Variants in ADGRB1 observed in about 807,000 individuals in gnomAD.
ADGRB1 encodes the protein brain-specific angiogenesis inhibitor 1.
In ADGRB1, 36 loss-of-function variants were observed where a neutral mutation model predicts 175.7. The observed-to-expected ratio is 0.20, with a 90% CI of 0.16 to 0.27. The LOEUF is 0.27. Among genes scored for constraint, ADGRB1 ranks in the 10% least tolerant of loss-of-function variants. The pLI is 1.00. For missense variants in ADGRB1, 1,731 were observed against 2,255.3 expected (o/e 0.77, Z 4.71); for synonymous variants, 1,054 against 979.4 (o/e 1.08, Z -1.42).
chr8:142,500,385 G>A (rs1216228101), intron 17 of ADGRB1, among the ~76,000 whole-genome samples: 5 of 77,598 alleles, frequency 6.4e-5, no homozygotes, highest in Non-Finnish European at 9.3e-5. Context: ...TGCCCCCCGC[G>A]CCGCTCCTCC....
At chr8:142,539,741 T>G (rs1259964237) in intron 27 of ADGRB1, 1 of 485,568 alleles carries the variant, frequency 2.1e-6, no homozygotes, top group African/African-American at 1.9e-5. Context: ...TCTTCCTCTG[T>G]CGTGGCCCCA....
At chr8:142,506,867 A>G (rs1253170854) in intron 17 of ADGRB1, among the ~76,000 whole-genome samples, 1 of 152,228 alleles carries the variant, frequency 6.6e-6, no homozygotes, top group East Asian at 1.9e-4. Flanking sequence ...GGTCTAGTGC[A>G]GCAAGGGAGG....
intron 16 of ADGRB1, 42 bp from the exon 17 acceptor site, chr8:142,490,730 C>A: frequency 6.4e-7 from 1 of 1,555,230 alleles, no homozygotes; most frequent in South Asian, 1.2e-5. Flanking sequence ...GGGGGCTGGT[C>A]CTGGCTGCCA....
chr8:142,501,693 A>G (rs1842557820), intron 17 of ADGRB1, among the ~76,000 whole-genome samples: 1 of 65,544 alleles, frequency 1.5e-5, no homozygotes, highest in African/African-American at 5.4e-5. Flanking sequence ...TTGACGATGG[A>G]GGTGGGGTGG....
rs1373958066 is a variant in ADGRB1 at position 142,544,976 on chromosome 8, T to C, written c.*559T>C. The C allele has an allele frequency of 4.6e-5, 7 of 152,662 alleles. No individual in the cohort carries two copies. The East Asian group carries it at 1.4e-3, about 30-fold the overall frequency. 9.5% of individuals were successfully genotyped at this position (152,662 alleles called of 1,614,324 possible). A position where few individuals can be genotyped will look rare whatever the true frequency, so the allele number is the denominator to read the frequency against. On this transcript the variant is annotated 3_prime_UTR_variant, in exon 31 of 31. Coordinates refer to ENST00000517894, the MANE Select transcript of ADGRB1 (RefSeq NM_001702.3). ...GGGGAATCTATTTTTTCTCTCCTTTTCTTTTCTTCAATAAAAAGAATTAAA... is the reference window on the plus strand; with the variant it reads ...GGGGAATCTATTTTTTCTCTCCTTTCCTTTTCTTCAATAAAAAGAATTAAA...
At chr8:142,486,624 G>C (rs565903531) in intron 13 of ADGRB1, among the ~76,000 whole-genome samples, 2 of 152,310 alleles carry the variant, frequency 1.3e-5, no homozygotes, top group Admixed American at 1.3e-4. Context: ...CCATAGCTTC[G>C]TGCCTATTGT....
chr8:142,527,365 C>G (rs566537982), intron 24 of ADGRB1, among the ~76,000 whole-genome samples: 1 of 152,318 alleles, frequency 6.6e-6, no homozygotes, highest in South Asian at 2.1e-4. Context: ...CCGTGCCAGT[C>G]TTGCTTGGAT....
At chr8:142,515,287 C>G (rs934431078) in intron 18 of ADGRB1, among the ~76,000 whole-genome samples, 7 of 152,210 alleles carry the variant, frequency 4.6e-5, no homozygotes, top group Non-Finnish European at 1.0e-4. Flanking sequence ...CTGGCTCTGC[C>G]TCCCCTCGGC....
intron 11 of ADGRB1, 46 bp from the exon 12 acceptor site, chr8:142,483,931 T>C: frequency 6.3e-7 from 1 of 1,596,314 alleles, no homozygotes; most frequent in East Asian, 2.2e-5. Context: ...AACGGTGATT[T>C]TGTGCCCTGT....
At chr8:142,454,946 C>T (rs1178416981) in intron 1 of ADGRB1, among the ~76,000 whole-genome samples, 2 of 152,048 alleles carry the variant, frequency 1.3e-5, no homozygotes, top group Non-Finnish European at 2.9e-5. Flanking sequence ...CTGGAGGGAC[C>T]GGTGGAGACC....
At chr8:142,535,373 G>A (rs1411681451) in intron 25 of ADGRB1, among the ~76,000 whole-genome samples, 1 of 152,136 alleles carries the variant, frequency 6.6e-6, no homozygotes, top group Non-Finnish European at 1.5e-5. Flanking sequence ...GGTGGGCGGG[G>A]ACAGAGGACA....
rs1769142066 is a variant in ADGRB1 at position 142,543,329 on chromosome 8, C to G, written c.4414-74C>G. On this transcript the variant is annotated intron_variant, in intron 28 of 30. Transcript: ENST00000517894. This position sits in a 1 kb window ranked among gnomAD's most constrained non-coding sequence, Gnocchi z 4.4. Reference sequence around the variant, plus strand: ...GGGGCGAGTGAGTCCCTGATGCCCTCAGTCTGAGGCAGGGAGAGGCGTGGA... The same window carrying G: ...GGGGCGAGTGAGTCCCTGATGCCCTGAGTCTGAGGCAGGGAGAGGCGTGGA... The G allele has an allele frequency of 4.4e-6, 7 of 1,586,406 alleles. 1 individual carries two copies. The highest frequency in any genetic ancestry group is 6.0e-6 in the Non-Finnish European group (7 of 1,161,522).
chr8:142,488,563 C>T (rs1038588890), intron 14 of ADGRB1, 56 bp downstream of exon 14: 24 of 1,592,942 alleles, frequency 1.5e-5, no homozygotes, highest in African/African-American at 5.4e-5. Context: ...GCCCCAGAGT[C>T]GGACGGTCAC....
rs929375567 is a variant in ADGRB1 at position 142,449,990 on chromosome 8, C to G, written c.-334C>G. The G allele has an allele frequency of 6.7e-6, 1 of 149,928 alleles. No individual in the cohort carries two copies. Among genetic ancestry groups the G allele is most frequent in the East Asian group, 2.0e-4 (1 of 5,062 alleles). 9.3% of individuals were successfully genotyped at this position (149,928 alleles called of 1,614,324 possible). ...CGGGGGCGGCGGCGGCTGGAGGAGC[C>G]CCCCCCACCTCCGGTCGGGCGCCCG... On this transcript the variant is annotated 5_prime_UTR_variant, in exon 1 of 31. Coordinates refer to ENST00000517894, the MANE Select transcript of ADGRB1 (RefSeq NM_001702.3).
chr8:142,531,273 T>C (rs2132212050), intron 24 of ADGRB1, among the ~76,000 whole-genome samples: 1 of 152,318 alleles, frequency 6.6e-6, no homozygotes, highest in African/African-American at 2.4e-5. Context: ...TCTGTGTCAG[T>C]GAGTGTTTCC....
rs200800834 is a variant in ADGRB1 at position 142,481,219 on chromosome 8, C to T, written c.1829-35C>T. ...AGGGTGGGATTCCTGGGCCAGGCAG[C>T]GGGCATCCACCTGAGAAGGGGATGG... On this transcript the variant is annotated intron_variant, in intron 9 of 30. Transcript: ENST00000517894. 68 of 1,588,124 alleles carry T rather than the reference C, an allele frequency of 4.3e-5. No individual in the cohort carries two copies. The Middle Eastern group carries it at 8.6e-4, about 20-fold the overall frequency.
intron 15 of ADGRB1, 49 bp from the exon 16 acceptor site, chr8:142,489,287 G>C: frequency 6.2e-7 from 1 of 1,603,026 alleles, no homozygotes; most frequent in Non-Finnish European, 8.5e-7. Flanking sequence ...GCCAGGAGGA[G>C]CCTGGGCTGG....
intron 2 of ADGRB1, among the ~76,000 whole-genome samples, chr8:142,466,312 G>A (rs1405426257): frequency 6.6e-6 from 1 of 152,184 alleles, no homozygotes; most frequent in South Asian, 2.1e-4. Context: ...GTGTTTAAAG[G>A]CACAAAATAG....
At chr8:142,522,170 T>G (rs981331251) in intron 21 of ADGRB1, 55 bp downstream of exon 21, 1 of 1,578,790 alleles carries the variant, frequency 6.3e-7, no homozygotes, top group Non-Finnish European at 8.6e-7. Flanking sequence ...CCCCCACTGC[T>G]TGTTCTGTCC....
Sources: allele counts gnomAD v4.1 joint callset (sites outside exome capture counted in the v4.1 genomes callset), GRCh38; gene constraint gnomAD v4.1.1; non-coding constraint Gnocchi (gnomAD v3.1); transcripts MANE v1.5; gene names NCBI Gene and HGNC (gene_info 2026-07-23, HGNC 2026-07-21).